MTUS2: variants seen among roughly 807,000 people sequenced by gnomAD.
MTUS2 encodes the protein microtubule-associated tumor suppressor candidate 2.
A neutral mutation model predicts 114.1 loss-of-function variants in MTUS2; 40 were observed. The ratio of observed to expected loss-of-function variants is 0.35; its 90% confidence interval spans 0.27 to 0.46. The LOEUF (loss-of-function observed/expected upper bound fraction) is 0.46. Ranked by LOEUF, MTUS2 falls within the 20% of genes least tolerant of loss-of-function variation. The pLI, the probability that MTUS2 is intolerant of heterozygous loss-of-function variation, is 1.00. For missense variants in MTUS2, 1,679 were observed against 1,705.4 expected (o/e 0.98, Z 0.27); for synonymous variants, 688 against 672.0 (o/e 1.02, Z -0.37).
chr13:29,080,570 C>A (rs548528682), intron 4 of MTUS2, among the ~76,000 whole-genome samples: 75 of 152,286 alleles, frequency 4.9e-4, no homozygotes, highest in African/African-American at 1.8e-3. Context: ...AGGAAGCATC[C>A]AGCACAAATG....
At chr13:29,097,011 C>T (rs1890206412) in intron 4 of MTUS2, among the ~76,000 whole-genome samples, 2 of 152,118 alleles carry the variant, frequency 1.3e-5, no homozygotes, top group African/African-American at 4.8e-5. Context: ...TCATGTAATT[C>T]AGCCTCTACA....
rs368374123 is a variant in MTUS2, at chr13:29,320,941, T to A, written c.2807-3672T>A. ...AGGAAGAAGACTGACTTGTTTCTGG[T>A]TTCAGTGACTGGGAGGACAATTGAC... On this transcript the variant is annotated intron_variant, in intron 6 of 15. Transcript: ENST00000612955. Among the ~76,000 whole-genome samples, 21 of 152,294 alleles carry A rather than the reference T, an allele frequency of 1.4e-4. 1 individual carries two copies. Among genetic ancestry groups the A allele is most frequent in the Middle Eastern group, 3.4e-3 (1 of 294 alleles).
At chr13:29,181,511 C>G (rs1463475209) in intron 5 of MTUS2, among the ~76,000 whole-genome samples, 1 of 152,196 alleles carries the variant, frequency 6.6e-6, no homozygotes, top group African/African-American at 2.4e-5. Flanking sequence ...GTAGGCAAAG[C>G]ATTGCCATTT....
intron 2 of MTUS2, among the ~76,000 whole-genome samples, chr13:28,873,401 G>GAACTA (rs1160279164): frequency 6.6e-6 from 1 of 152,130 alleles, no homozygotes; most frequent in African/African-American, 2.4e-5. Context: ...GTCTAGTTTA[G>GAACTA]AACTAAGTCA....
At chr13:29,253,079 CT>C (rs34996681) in intron 5 of MTUS2, among the ~76,000 whole-genome samples, 85 of 144,964 alleles carry the variant, frequency 5.9e-4, no homozygotes, top group Non-Finnish European at 5.1e-4. Flanking sequence ...CATTTTTGGC[CT>C]TTTTTTTTTT....
chr13:29,284,896 G>A (rs956480546), intron 6 of MTUS2, among the ~76,000 whole-genome samples: 3 of 152,180 alleles, frequency 2.0e-5, no homozygotes, highest in African/African-American at 7.2e-5. Context: ...TAGAGCCCAG[G>A]TTGTGATGTC....
chr13:29,281,862 G>A lies in MTUS2; in HGVS notation c.2803G>A (p.Ala935Thr), dbSNP rs377003171. The A allele has an allele frequency of 2.1e-5, 34 of 1,592,754 alleles. No homozygotes were observed. The highest frequency in any genetic ancestry group is 3.5e-5 in the Admixed American group (2 of 57,784). Residue 935 changes from alanine to threonine, a missense_variant, in exon 6 of 16, where the codon GCT (alanine) becomes ACT (threonine). Coordinates refer to ENST00000612955, the MANE Select transcript of MTUS2 (RefSeq NM_001033602.4). ...LPAPKSTSTPAGTKKDAQKDQ... is the reference protein window; with the variant it reads ...LPAPKSTSTPTGTKKDAQKDQ... Reference sequence around the variant, plus strand: ...AGCGCCAAAATCCACTTCCACACCCGCTGGTAAGACTTTGTGCCTTGGAGA... The same window carrying A: ...AGCGCCAAAATCCACTTCCACACCCACTGGTAAGACTTTGTGCCTTGGAGA...
intron 6 of MTUS2, among the ~76,000 whole-genome samples, chr13:29,304,085 G>A (rs556788345): frequency 6.6e-6 from 1 of 152,208 alleles, no homozygotes; most frequent in Non-Finnish European, 1.5e-5. Context: ...ACAAGCAAAT[G>A]CTTAGGGAAT....
At chr13:29,262,405 T>C (rs1341322527) in intron 5 of MTUS2, among the ~76,000 whole-genome samples, 1 of 152,086 alleles carries the variant, frequency 6.6e-6, no homozygotes, top group Non-Finnish European at 1.5e-5. Context: ...ATATTTCCCC[T>C]GTTTCCTGAA....
At chr13:29,099,607 C>T (rs1315750754) in intron 4 of MTUS2, among the ~76,000 whole-genome samples, 6 of 151,996 alleles carry the variant, frequency 3.9e-5, no homozygotes, top group Non-Finnish European at 7.4e-5. Flanking sequence ...TCTAAATCCT[C>T]GTTTACTCTG....
At chr13:29,401,062 A>C (rs188334305) in intron 8 of MTUS2, among the ~76,000 whole-genome samples, 76 of 152,282 alleles carry the variant, frequency 5.0e-4, no homozygotes, top group Non-Finnish European at 9.1e-4. Context: ...GTCTCAGCTC[A>C]CTGCAAACGC....
intron 8 of MTUS2, among the ~76,000 whole-genome samples, chr13:29,430,190 C>T (rs1410727395): frequency 6.6e-6 from 1 of 152,108 alleles, no homozygotes; most frequent in African/African-American, 2.4e-5. Context: ...GAAAGATTTG[C>T]TACATGTAAA....
chr13:29,503,123 A>G lies in MTUS2; in HGVS notation c.4027A>G (p.Lys1343Glu), dbSNP rs1400168619. The G allele has an allele frequency of 6.2e-7, 1 of 1,614,072 alleles. No individual in the cohort carries two copies. The highest frequency in any genetic ancestry group is 8.5e-7 in the Non-Finnish European group (1 of 1,180,038). ...AACTGGGGACCCGACCAGTCCGATTAAACTCTCGCCCACATCTCCCGTTTA... is the reference window on the plus strand; with the variant it reads ...AACTGGGGACCCGACCAGTCCGATTGAACTCTCGCCCACATCTCCCGTTTA... ...LQTGDPTSPI[K>E]LSPTSPVYRG... The change falls in exon 16 of 16, where the codon AAA becomes GAA. Residue 1343 changes from lysine to glutamate, a missense_variant. Coordinates refer to ENST00000612955, the MANE Select transcript of MTUS2 (RefSeq NM_001033602.4).
intron 8 of MTUS2, among the ~76,000 whole-genome samples, chr13:29,374,389 G>A (rs1009559414): frequency 1.3e-5 from 2 of 152,102 alleles, no homozygotes; most frequent in African/African-American, 4.8e-5. Flanking sequence ...TTCATATCTA[G>A]ATATATTCTA....
chr13:29,163,725 C>T (rs1343869252), intron 5 of MTUS2, among the ~76,000 whole-genome samples: 3 of 152,242 alleles, frequency 2.0e-5, no homozygotes, highest in East Asian at 1.9e-4. Flanking sequence ...CAGGGCACTC[C>T]TGAGCGAGCG....
intron 5 of MTUS2, among the ~76,000 whole-genome samples, chr13:29,220,987 T>C (rs1438883784): frequency 6.6e-6 from 1 of 152,242 alleles, no homozygotes; most frequent in Non-Finnish European, 1.5e-5. Flanking sequence ...GTCCCATAGT[T>C]ATTCTACTTT....
At chr13:29,117,923 AC>A (rs1293166187) in intron 5 of MTUS2, among the ~76,000 whole-genome samples, 1 of 152,166 alleles carries the variant, frequency 6.6e-6, no homozygotes, top group East Asian at 1.9e-4. Flanking sequence ...GCCAGGGCGG[AC>A]CCTGTCCAGA....
rs561240013 is a variant in MTUS2, at chr13:29,047,552, C to T, written c.2446+13427C>T. On this transcript the variant is annotated intron_variant, in intron 4 of 15. Coordinates refer to ENST00000612955, the MANE Select transcript of MTUS2 (RefSeq NM_001033602.4). ...TTTCTGAGACAGAGTCTTGCTGTGTCGCTCAGGCTGGAGTGCAGTGGCGCA... is the reference window on the plus strand; with the variant it reads ...TTTCTGAGACAGAGTCTTGCTGTGTTGCTCAGGCTGGAGTGCAGTGGCGCA... Among the ~76,000 whole-genome samples, 63 of 145,928 alleles carry T rather than the reference C, an allele frequency of 4.3e-4. 1 individual carries two copies. Among genetic ancestry groups the T allele is most frequent in the African/African-American group, 1.4e-3 (54 of 39,130 alleles).
intron 5 of MTUS2, among the ~76,000 whole-genome samples, chr13:29,199,236 A>C (rs1293714019): frequency 6.6e-6 from 1 of 152,212 alleles, no homozygotes; most frequent in Non-Finnish European, 1.5e-5. Flanking sequence ...GTTGAATAGG[A>C]GTGGTGAGAG....
Sources: gnomAD v4.1 joint callset for allele counts (sites outside exome capture counted in the v4.1 genomes callset) on GRCh38, gnomAD v4.1.1 for gene constraint, MANE v1.5 for transcripts, NCBI Gene and HGNC (gene_info 2026-07-23, HGNC 2026-07-21) for gene names.